PRKACB: variants seen among roughly 807,000 people sequenced by gnomAD.
The protein encoded by PRKACB is cAMP-dependent protein kinase catalytic subunit beta.
In PRKACB, 16 loss-of-function variants were observed where a neutral mutation model predicts 51.4. The ratio of observed to expected loss-of-function variants is 0.31; its 90% CI spans 0.21 to 0.47. PRKACB has a LOEUF of 0.47. PRKACB is among the 20% of genes least tolerant of loss of function. PRKACB has a pLI of 1.00. For synonymous variants in PRKACB, 147 were observed against 154.4 expected, an observed-to-expected ratio of 0.95 and a Z score of 0.35; for missense variants, 309 against 464.5, an observed-to-expected ratio of 0.67 and a Z score of 3.08.
intron 1 of PRKACB, chr1:84,175,066 T>C: frequency 6.9e-7 from 1 of 1,452,796 alleles, no homozygotes; most frequent in Non-Finnish European, 9.1e-7. Context: ...GGTAGGCAAT[T>C]ACTTTTTAAT....
intron 8 of PRKACB, 23 bp downstream of exon 8, chr1:84,202,828 C>A: frequency 6.4e-7 from 1 of 1,552,796 alleles, no homozygotes; most frequent in Non-Finnish European, 8.9e-7. Flanking sequence ...TTTTATTATT[C>A]CTCTCTTATT....
Position 84,227,925 on chromosome 1 carries a change from A to G in PRKACB, c.1072-7255A>G, listed in dbSNP as rs547355565. Among the ~76,000 whole-genome samples the G allele has an allele frequency of 1.7e-4, 26 of 152,346 alleles. No individual in the cohort carries two copies. In the South Asian group the frequency reaches 5.4e-3, roughly 32 times the overall value. Reference sequence around the variant, plus strand: ...ATCTCCAAATGATCAAGGAAAAAAAAAGGCAGAAGAAAGAAGTAGCCTGAA... The same window carrying G: ...ATCTCCAAATGATCAAGGAAAAAAAGAGGCAGAAGAAAGAAGTAGCCTGAA... On this transcript the variant is annotated intron_variant, in intron 9 of 9. Coordinates refer to ENST00000370685, the MANE Select transcript of PRKACB (RefSeq NM_182948.4).
rs539959241 is a variant in PRKACB at position 84,216,840 on chromosome 1, T to G, written c.1071+2523T>G. On this transcript the variant is annotated intron_variant, in intron 9 of 9. Transcript: ENST00000370685. The stretch of plus-strand genomic sequence containing the variant: ...TCAGATTCTCAATTCCAGGTCACAT[T>G]ATCCCTTTAAAGTCCTTTTGACATG... Among the ~76,000 whole-genome samples the G allele has an allele frequency of 5.9e-5, 9 of 152,324 alleles. No individual in the cohort carries two copies. In the South Asian group the frequency reaches 1.0e-3, roughly 18 times the overall value.
At chr1:84,111,241 CTT>C (rs1650203895) in intron 1 of PRKACB, among the ~76,000 whole-genome samples, 1 of 151,966 alleles carries the variant, frequency 6.6e-6, no homozygotes, top group African/African-American at 2.4e-5. Context: ...CACAATAAGA[CTT>C]TGTTATTACT....
At chr1:84,150,567 G>A (rs1432915727) in intron 1 of PRKACB, among the ~76,000 whole-genome samples, 1 of 152,074 alleles carries the variant, frequency 6.6e-6, no homozygotes, top group Non-Finnish European at 1.5e-5. Context: ...TAATGAGCTG[G>A]TTCTTGCTTT....
chr1:84,152,770 C>T (rs756744354), intron 1 of PRKACB, among the ~76,000 whole-genome samples: 2 of 152,102 alleles, frequency 1.3e-5, no homozygotes, highest in Non-Finnish European at 2.9e-5. Flanking sequence ...TTTGATCTTT[C>T]CAGACCACAC....
chr1:84,199,070 CATATAT>C, intron 7 of PRKACB, among the ~76,000 whole-genome samples: 1 of 48,936 alleles, frequency 2.0e-5, no homozygotes, highest in South Asian at 5.1e-4. Context: ...CGTATATATG[CATATAT>C]GTATATATAT....
intron 9 of PRKACB, among the ~76,000 whole-genome samples, chr1:84,218,680 T>C (rs1423807117): frequency 6.6e-6 from 1 of 152,242 alleles, no homozygotes; most frequent in Non-Finnish European, 1.5e-5. Flanking sequence ...CTAAATTGTA[T>C]GATAGTTCTA....
chr1:84,089,751 T>G (rs1055646763), intron 1 of PRKACB, among the ~76,000 whole-genome samples: 2 of 152,198 alleles, frequency 1.3e-5, no homozygotes, highest in Non-Finnish European at 2.9e-5. Context: ...CTTGTAATAT[T>G]CATTAACTGC....
At chr1:84,212,875 C>T (rs1230390639) in intron 8 of PRKACB, among the ~76,000 whole-genome samples, 4 of 152,086 alleles carry the variant, frequency 2.6e-5, no homozygotes, top group Non-Finnish European at 5.9e-5. Context: ...AAAAATGGCA[C>T]AATACCTTCC....
chr1:84,113,827 G>T (rs1650423573), intron 1 of PRKACB, among the ~76,000 whole-genome samples: 1 of 152,164 alleles, frequency 6.6e-6, no homozygotes, highest in Non-Finnish European at 1.5e-5. Flanking sequence ...TGCTTGCTCA[G>T]GGATAGGGGT....
intron 1 of PRKACB, among the ~76,000 whole-genome samples, chr1:84,094,314 T>C (rs1351783708): frequency 6.6e-6 from 1 of 152,030 alleles, no homozygotes; most frequent in African/African-American, 2.4e-5. Flanking sequence ...TATCAAATGT[T>C]ATTTCTGCGT....
chr1:84,209,918 A>C (rs570025964), intron 8 of PRKACB, among the ~76,000 whole-genome samples: 7 of 152,340 alleles, frequency 4.6e-5, no homozygotes, highest in Admixed American at 2.0e-4. Context: ...TCATGCATTC[A>C]TTAAATATTT....
At chr1:84,126,767 G>T (rs1651654567) in intron 1 of PRKACB, among the ~76,000 whole-genome samples, 1 of 151,810 alleles carries the variant, frequency 6.6e-6, no homozygotes, top group South Asian at 2.1e-4. Flanking sequence ...TTATTCACAT[G>T]CTCAAGCCAA....
intron 1 of PRKACB, among the ~76,000 whole-genome samples, chr1:84,136,963 G>A (rs1429896371): frequency 1.3e-5 from 2 of 152,152 alleles, no homozygotes; most frequent in Non-Finnish European, 2.9e-5. Context: ...TCATGATAGT[G>A]AGTTTTCACA....
At chr1:84,170,721 A>G (rs574278637) in intron 1 of PRKACB, among the ~76,000 whole-genome samples, 248 of 151,788 alleles carry the variant, frequency 1.6e-3, no homozygotes, top group Non-Finnish European at 2.9e-3. Context: ...GAACCTGCCA[A>G]TAATGTCACT....
chr1:84,174,433 G>C (rs983335231), intron 1 of PRKACB, among the ~76,000 whole-genome samples: 6 of 151,716 alleles, frequency 4.0e-5, no homozygotes, highest in Non-Finnish European at 7.4e-5. Context: ...TGTAGTCTTT[G>C]TCCCATTCCA....
upstream of PRKACB, among the ~76,000 whole-genome samples, chr1:84,143,347 A>C (rs1033303264): frequency 2.0e-5 from 3 of 152,038 alleles, no homozygotes; most frequent in African/African-American, 7.2e-5. Context: ...AGCTACTCGG[A>C]TGTCTGAGGG....
chr1:84,196,845 T>C (rs765912220), intron 6 of PRKACB, 103 bp downstream of exon 6: 67 of 1,251,222 alleles, frequency 5.4e-5, no homozygotes, highest in Non-Finnish European at 7.2e-5. Context: ...GAAGACACTT[T>C]CTCCTAATAG....
Sources: gnomAD v4.1 joint callset for allele counts (sites outside exome capture counted in the v4.1 genomes callset) on GRCh38, gnomAD v4.1.1 for gene constraint, MANE v1.5 for transcripts, NCBI Gene and HGNC (gene_info 2026-07-23, HGNC 2026-07-21) for gene names.